VPS13B: variants seen among roughly 807,000 people sequenced by gnomAD.
VPS13B encodes vacuolar protein sorting 13 homolog B.
In VPS13B, 285 loss-of-function variants were observed where a neutral mutation model predicts 426.4. The ratio of observed to expected loss-of-function variants is 0.67; its 90% CI spans 0.61 to 0.74. The LOEUF is 0.74. VPS13B is among the 30% of genes least tolerant of loss of function. The pLI is 0.00. For missense variants in VPS13B, 4,537 were observed against 4,782.6 expected (o/e 0.95, Z 1.51); for synonymous variants, 1,676 against 1,676.4 (o/e 1.00, Z 0.01).
intron 4 of VPS13B, 34 bp from the exon 5 acceptor site, chr8:99,102,919 G>A (rs1221933013): frequency 6.5e-7 from 1 of 1,526,894 alleles, no homozygotes; most frequent in African/African-American, 1.4e-5. Flanking sequence ...TGAGAGATTT[G>A]TGGCTAATTA....
At position 99,170,055 on chromosome 8, in the gene VPS13B, C is replaced by T; in HGVS notation, c.2225C>T (p.Ala742Val). The T allele has an allele frequency of 1.9e-6, 3 of 1,612,824 alleles. No homozygotes were observed. The highest frequency in any genetic ancestry group is 2.5e-6 in the Non-Finnish European group (3 of 1,178,958). ...TTGTTTTAGATATTTGGTTTCCAGG[C>T]AGGACTGACGTCTTTGGATTGCAGT... ...HCYLKIFGFQAGLTSLDCSGS... is the reference protein window; with the variant it reads ...HCYLKIFGFQVGLTSLDCSGS... Residue 742 changes from alanine to valine, a missense_variant, in exon 16 of 62, where the codon GCA (alanine) becomes GTA (valine). This residue lies in a region of VPS13B where 4,311 missense variants were observed against 4,474.3 expected (regional missense o/e 0.96). Coordinates refer to ENST00000357162, the MANE Select transcript of VPS13B (RefSeq NM_152564.5).
chr8:99,477,335 T>C lies in VPS13B; in HGVS notation c.3667-4264T>C, dbSNP rs548258113. Among the ~76,000 whole-genome samples the C allele has an allele frequency of 3.9e-5, 6 of 152,328 alleles. No homozygotes were observed. In the East Asian group the frequency reaches 7.7e-4, roughly 20 times the overall value. The stretch of plus-strand genomic sequence containing the variant: ...TTTCTTTCTTGTGCTTTCTCATTTA[T>C]CCATCTGTTTTTGTTGTTTGCTTTT... On this transcript the variant is annotated intron_variant, in intron 24 of 61. Transcript: ENST00000357162.
chr8:99,306,666 C>G (rs1820653721), intron 19 of VPS13B, among the ~76,000 whole-genome samples: 2 of 152,020 alleles, frequency 1.3e-5, no homozygotes, highest in African/African-American at 2.4e-5. Flanking sequence ...TAAACTTTCA[C>G]TGGTTGAGGG....
intron 19 of VPS13B, among the ~76,000 whole-genome samples, chr8:99,362,121 TA>T (rs1479493477): frequency 1.3e-5 from 2 of 151,654 alleles, no homozygotes; most frequent in African/African-American, 4.8e-5. Context: ...TAAGGGCAGC[TA>T]TTATATTTTA....
intron 19 of VPS13B, among the ~76,000 whole-genome samples, chr8:99,380,555 G>C (rs1177302109): frequency 8.6e-5 from 13 of 151,940 alleles, no homozygotes; most frequent in Non-Finnish European, 4.4e-5. Flanking sequence ...ATTTATACTG[G>C]TTCTGGGCCC....
chr8:99,083,905 G>C (rs1471168803), intron 3 of VPS13B, among the ~76,000 whole-genome samples: 2 of 148,114 alleles, frequency 1.4e-5, no homozygotes, highest in African/African-American at 5.0e-5. Context: ...CAGGGATATT[G>C]GTCTAAAATT....
At chr8:99,362,108 T>A (rs924201476) in intron 19 of VPS13B, among the ~76,000 whole-genome samples, 3 of 151,962 alleles carry the variant, frequency 2.0e-5, no homozygotes, top group Non-Finnish European at 4.4e-5. Flanking sequence ...AAATAAATGT[T>A]GATAAGGGCA....
At position 99,835,690 on chromosome 8, in the gene VPS13B, A is replaced by G; in HGVS notation, c.9894A>G (p.Val3298=). 1 of 1,614,178 alleles carries G rather than the reference A, an allele frequency of 6.2e-7. No homozygotes were observed. The highest frequency in any genetic ancestry group is 8.5e-7 in the Non-Finnish European group (1 of 1,180,018). Residue 3298 remains valine, a synonymous_variant, in exon 54 of 62, where the codon GTA becomes GTG. Transcript: ENST00000357162. ...TGAGAGTTGAACCTCTAGATGAAGT[A>G]ACAACTGAGTGGAGTGATGCCATTG... is the stretch of plus-strand genomic sequence containing the variant. ...LLLRVEPLDE[V]TTEWSDAIDI...
chr8:99,311,776 A>C (rs1039018922), intron 19 of VPS13B, among the ~76,000 whole-genome samples: 6 of 152,166 alleles, frequency 3.9e-5, no homozygotes, highest in African/African-American at 1.4e-4. Flanking sequence ...GGGGTGTTAT[A>C]GTCTCCCATT....
intron 33 of VPS13B, among the ~76,000 whole-genome samples, chr8:99,584,669 A>G (rs1468679941): frequency 6.6e-6 from 1 of 152,198 alleles, no homozygotes; most frequent in African/African-American, 2.4e-5. Flanking sequence ...CTCTATGGAA[A>G]ATTAGACTTA....
intron 17 of VPS13B, among the ~76,000 whole-genome samples, chr8:99,266,480 T>C (rs181444708): frequency 7.9e-5 from 12 of 152,234 alleles, no homozygotes; most frequent in African/African-American, 2.4e-4. Context: ...TAGGAGTTGA[T>C]ATTTTTCAGA....
chr8:99,564,787 T>A (rs1290897783), intron 31 of VPS13B, among the ~76,000 whole-genome samples: 1 of 152,242 alleles, frequency 6.6e-6, no homozygotes, highest in East Asian at 1.9e-4. Context: ...TTCTTTGGCT[T>A]GTCCAGTGTC....
intron 35 of VPS13B, among the ~76,000 whole-genome samples, chr8:99,664,632 A>G (rs1022839772): frequency 2.0e-5 from 3 of 152,076 alleles, no homozygotes; most frequent in African/African-American, 4.8e-5. Flanking sequence ...CCTTGTCCCT[A>G]CAAAGGACAT....
chr8:99,200,009 C>T (rs887231587), intron 17 of VPS13B, among the ~76,000 whole-genome samples: 1 of 152,056 alleles, frequency 6.6e-6, no homozygotes, highest in African/African-American at 2.4e-5. Flanking sequence ...TTCCAGCATC[C>T]CTGAATGAAT....
At chr8:99,427,639 A>T (rs1816801093) in intron 21 of VPS13B, among the ~76,000 whole-genome samples, 2 of 152,072 alleles carry the variant, frequency 1.3e-5, no homozygotes. Context: ...ATAAAAGAGG[A>T]TACAAACAAA....
At chr8:99,179,871 A>G (rs757258206) in intron 16 of VPS13B, among the ~76,000 whole-genome samples, 9 of 151,966 alleles carry the variant, frequency 5.9e-5, no homozygotes, top group Non-Finnish European at 1.0e-4. Flanking sequence ...TTTAGATTGT[A>G]TACTTTTTTG....
At chr8:99,405,721 TG>T (rs1174456243) in intron 21 of VPS13B, among the ~76,000 whole-genome samples, 1 of 152,144 alleles carries the variant, frequency 6.6e-6, no homozygotes, top group African/African-American at 2.4e-5. Flanking sequence ...ATGGCATCTT[TG>T]TCATTTTTCC....
At chr8:99,856,076 C>T (rs975649696) in intron 56 of VPS13B, among the ~76,000 whole-genome samples, 1 of 152,240 alleles carries the variant, frequency 6.6e-6, no homozygotes, top group African/African-American at 2.4e-5. Context: ...GGAAACTCTA[C>T]CTGTGGCACC....
intron 17 of VPS13B, among the ~76,000 whole-genome samples, chr8:99,199,071 A>T (rs1814129441): frequency 6.6e-6 from 1 of 152,222 alleles, no homozygotes; most frequent in East Asian, 1.9e-4. Context: ...TTTGCTTTAC[A>T]ACTAGTTTTC....
Sources: gnomAD v4.1 joint callset for allele counts (sites outside exome capture counted in the v4.1 genomes callset) on GRCh38, gnomAD v4.1.1 for gene constraint, gnomAD v4.1.1 regional missense constraint, MANE v1.5 for transcripts, NCBI Gene and HGNC (gene_info 2026-07-23, HGNC 2026-07-21) for gene names.